The following MAS1 variants were observed in gnomAD, a reference collection of about 807,000 sequenced individuals.
MAS1 encodes MAS1 proto-oncogene, G protein-coupled receptor, also known as proto-oncogene Mas.
For missense variants in MAS1, 387 were observed against 409.7 expected (o/e 0.94, Z 0.48); for synonymous variants, 163 against 164.2 (o/e 0.99, Z 0.05).
In MAS1 at chr6:159,910,495, G is replaced by A. The variant is rs1001856001; in HGVS notation, c.*2562G>A. The A allele has an allele frequency of 1.3e-5, 2 of 152,206 alleles. No individual in the cohort carries two copies. Among genetic ancestry groups the A allele is most frequent in the African/African-American group, 4.8e-5 (2 of 41,420 alleles). 9.4% of individuals were successfully genotyped at this position (152,206 alleles called of 1,614,324 possible). On this transcript the variant is annotated 3_prime_UTR_variant, in exon 3 of 3. Transcript: ENST00000674077. ...GGGGTTTCTCCTCAGCACTCATCAT[G>A]CCATATATCGATTTGCTTATTTGCT...
In MAS1 at chr6:159,907,484, G is replaced by T. The variant is rs767054325; in HGVS notation, c.529G>T (p.Glu177Ter). ...EYVMCIDREE[E>*]SHSRNDCRAV... ...TGTCATGTGCATCGACAGAGAAGAA[G>T]AGAGTCACTCTCGGAATGACTGCCG... Residue 177 changes from glutamate (E) to a stop codon, truncating the protein, a stop_gained, in exon 3 of 3, where the codon GAG becomes TAG. Coordinates refer to ENST00000674077, the MANE Select transcript of MAS1 (RefSeq NM_002377.4). LOFTEE classifies it low-confidence loss of function (END_TRUNC). The T allele has an allele frequency of 1.2e-6, 2 of 1,614,046 alleles. No individual in the cohort carries two copies. The highest frequency in any genetic ancestry group is 1.1e-5 in the South Asian group (1 of 91,078).
intron 1 of MAS1, 104 bp from the exon 2 acceptor site, chr6:159,899,082 G>A (rs1015862702): frequency 6.6e-6 from 1 of 152,226 alleles, no homozygotes; most frequent in Non-Finnish European, 1.5e-5. Flanking sequence ...AGCCTCCCAA[G>A]CTGATTTCAA....
rs1370334907 is a variant in MAS1, at chr6:159,916,373, GAACT to G, written c.*8441_*8444del. 2 of 152,112 alleles carry G rather than the reference GAACT, an allele frequency of 1.3e-5. No individual in the cohort carries two copies. The highest frequency in any genetic ancestry group is 2.9e-5 in the Non-Finnish European group (2 of 68,036). The allele number at this position is 152,112 out of a possible 1,614,324, so 9.4% of individuals were successfully genotyped here. The stretch of plus-strand genomic sequence containing the variant: ...GGAGTGGGGAGTTAGTGTTTAGTAG[GAACT>G]GAATTTCAGTTTGAGGAGATGAAAA... On this transcript the variant is annotated 3_prime_UTR_variant, in exon 3 of 3. Coordinates refer to ENST00000674077, the MANE Select transcript of MAS1 (RefSeq NM_002377.4).
At chr6:159,898,509 TCC>T (rs1782779862) in intron 1 of MAS1, among the ~76,000 whole-genome samples, 1 of 141,630 alleles carries the variant, frequency 7.1e-6, no homozygotes. Context: ...CTCCTCCTCC[TCC>T]TCCTCCTCCT....
chr6:159,900,990 C>T (rs557939348), intron 2 of MAS1, among the ~76,000 whole-genome samples: 1 of 152,238 alleles, frequency 6.6e-6, no homozygotes, highest in Admixed American at 6.5e-5. Context: ...TCTGACAGTT[C>T]TGGAGGCCAG....
At chr6:159,889,315 C>G (rs895703562), upstream of MAS1, among the ~76,000 whole-genome samples, 3 of 152,168 alleles carry the variant, frequency 2.0e-5, no homozygotes, top group African/African-American at 7.2e-5. Context: ...CGTTGGAGTC[C>G]TCCTTCTAGT....
chr6:159,911,675 A>T lies in MAS1; in HGVS notation c.*3742A>T, dbSNP rs1782966651. ...GAGCCTCTGGAAGCTGAGTTCCTGG[A>T]TAACCGTGCCATACCTTTTCTTTCC... On this transcript the variant is annotated 3_prime_UTR_variant, in exon 3 of 3. Transcript: ENST00000674077. 2.0e-5 allele frequency: 3 copies of T among 152,046 alleles called. No homozygotes were observed. The highest frequency in any genetic ancestry group is 7.2e-5 in the African/African-American group (3 of 41,380). 9.4% of individuals were successfully genotyped at this position (152,046 alleles called of 1,614,324 possible).
At chr6:159,893,883 T>G (rs1483364682) in intron 1 of MAS1, among the ~76,000 whole-genome samples, 1 of 152,076 alleles carries the variant, frequency 6.6e-6, no homozygotes. Context: ...AATGGCTGAT[T>G]CTAGGCACTA....
intron 1 of MAS1, among the ~76,000 whole-genome samples, chr6:159,892,003 A>G (rs576767705): frequency 3.3e-5 from 5 of 152,166 alleles, no homozygotes; most frequent in African/African-American, 4.8e-5. Flanking sequence ...ACTCCTCTCC[A>G]TTGTGACAAC....
chr6:159,889,459 A>C (rs1221501676), upstream of MAS1, among the ~76,000 whole-genome samples: 1 of 152,028 alleles, frequency 6.6e-6, no homozygotes, highest in East Asian at 1.9e-4. Flanking sequence ...CATCTCCTTC[A>C]TCCCTCATTT....
chr6:159,888,983 G>T (rs1275398896), upstream of MAS1, among the ~76,000 whole-genome samples: 1 of 152,192 alleles, frequency 6.6e-6, no homozygotes, highest in Non-Finnish European at 1.5e-5. Flanking sequence ...AGCTCCATCT[G>T]TGATAGTTCC....
rs1185757667 is a variant in MAS1, at chr6:159,917,144, TC to T, written c.*9212del. On this transcript the variant is annotated 3_prime_UTR_variant, in exon 3 of 3. Transcript: ENST00000674077. ...GCACGTCCATTTGACAATCCTGACC[TC>T]GGTGGTGGCAAATCTTCCTTGTTTC... is the stretch of plus-strand genomic sequence containing the variant. Among the ~76,000 whole-genome samples, 2 of 152,212 alleles carry T rather than the reference TC, an allele frequency of 1.3e-5. No individual in the cohort carries two copies. The highest frequency in any genetic ancestry group is 2.4e-5 in the African/African-American group (1 of 41,456).
intron 2 of MAS1, among the ~76,000 whole-genome samples, chr6:159,901,496 G>A (rs1200151260): frequency 6.6e-6 from 1 of 152,208 alleles, no homozygotes; most frequent in Non-Finnish European, 1.5e-5. Flanking sequence ...CTGTTCAGGA[G>A]GCTGAGAGGG....
chr6:159,903,708 G>A (rs1782849822), intron 2 of MAS1, among the ~76,000 whole-genome samples: 1 of 152,076 alleles, frequency 6.6e-6, no homozygotes, highest in African/African-American at 2.4e-5. Context: ...CCTTCACCAG[G>A]TATAAATTAT....
chr6:159,905,368 G>T (rs1782873337), intron 2 of MAS1, among the ~76,000 whole-genome samples: 1 of 152,194 alleles, frequency 6.6e-6, no homozygotes, highest in Non-Finnish European at 1.5e-5. Flanking sequence ...CCGGGTCTCT[G>T]TCTACTAATT....
Position 159,910,382 on chromosome 6 carries a change from A to G in MAS1, c.*2449A>G, listed in dbSNP as rs1782951935. The G allele has an allele frequency of 6.6e-6, 1 of 152,198 alleles. No homozygotes were observed. The highest frequency in any genetic ancestry group is 2.1e-4 in the South Asian group (1 of 4,828). 9.4% of individuals were successfully genotyped at this position (152,198 alleles called of 1,614,324 possible). On this transcript the variant is annotated 3_prime_UTR_variant, in exon 3 of 3. Transcript: ENST00000674077. ...TTTGTTTGACAAGTGTTAGGAACAA[A>G]ATTGTGTGGCAGAGGTCACCACAGC...
At position 159,915,538 on chromosome 6, in the gene MAS1, C is replaced by T. The variant is rs1447932704; in HGVS notation, c.*7605C>T. ...ATTTGCAGGCTTCATGCTGACATTACCTGTATGGTACATTTTGGCCAACAC... is the reference window on the plus strand; with the variant it reads ...ATTTGCAGGCTTCATGCTGACATTATCTGTATGGTACATTTTGGCCAACAC... On this transcript the variant is annotated 3_prime_UTR_variant, in exon 3 of 3. Transcript: ENST00000674077. 1.3e-5 allele frequency: 2 copies of T among 152,202 alleles called. No homozygotes were observed. The highest frequency in any genetic ancestry group is 2.9e-5 in the Non-Finnish European group (2 of 68,040). The allele number at this position is 152,202 out of a possible 1,614,324, so 9.4% of individuals were successfully genotyped here. A position where few individuals can be genotyped will look rare whatever the true frequency, so the allele number is the denominator to read the frequency against.
At chr6:159,903,326 C>T (rs1782845846) in intron 2 of MAS1, among the ~76,000 whole-genome samples, 1 of 152,092 alleles carries the variant, frequency 6.6e-6, no homozygotes, top group African/African-American at 2.4e-5. Flanking sequence ...AAACCCCAGC[C>T]CTGGTTAAAT....
intron 1 of MAS1, among the ~76,000 whole-genome samples, chr6:159,898,189 G>T (rs1209177563): frequency 6.6e-6 from 1 of 152,048 alleles, no homozygotes; most frequent in Non-Finnish European, 1.5e-5. Context: ...ACTCCACCCA[G>T]CCTAAACACG....
Sources: allele counts gnomAD v4.1 joint callset (sites outside exome capture counted in the v4.1 genomes callset), GRCh38; gene constraint gnomAD v4.1.1; transcripts MANE v1.5; gene names NCBI Gene and HGNC (gene_info 2026-07-23, HGNC 2026-07-21).